The following TCEANC2 variants were observed in gnomAD, a reference collection of about 807,000 sequenced individuals.
The protein encoded by TCEANC2 is transcription elongation factor A N-terminal and central domain-containing protein 2.
TCEANC2 carries 20 observed loss-of-function variants against 22.8 expected under a neutral mutation model. The observed-to-expected ratio is 0.88, with a 90% CI of 0.62 to 1.28. The LOEUF (loss-of-function observed/expected upper bound fraction) is 1.28, where lower values mean the gene tolerates loss of function less well. Ranked by LOEUF, TCEANC2 falls within the 50% of genes most tolerant of loss-of-function variation. TCEANC2 has a pLI of 0.00. For missense variants in TCEANC2, 251 were observed against 249.7 expected (o/e 1.01, Z -0.03); for synonymous variants, 84 against 95.5 (o/e 0.88, Z 0.70).
exon 5 of TCEANC2, chr1:54,112,181 AAACAACAAC>A (rs141103002): frequency 0.036 from 5,419 of 149,148 alleles, 116 homozygotes; most frequent in Middle Eastern, 0.055. Flanking sequence ...CAATTCTACA[AAACAACAAC>A]AACAACAACA....
Position 54,099,817 on chromosome 1 carries a change from G to T in TCEANC2, c.*3344G>T, listed in dbSNP as rs1658627926. Reference sequence around the variant, plus strand: ...GGTGAGAGTAGTTCCTGAGACCTCTGAGTTACCTGTAAGTCAAGGTGTGAA... The same window carrying T: ...GGTGAGAGTAGTTCCTGAGACCTCTTAGTTACCTGTAAGTCAAGGTGTGAA... On this transcript the variant is annotated 3_prime_UTR_variant, in exon 5 of 5. Coordinates refer to ENST00000234827, the MANE Select transcript of TCEANC2 (RefSeq NM_153035.3). The T allele has an allele frequency of 6.6e-6, 1 of 152,028 alleles. No individual in the cohort carries two copies. The highest frequency in any genetic ancestry group is 1.5e-5 in the Non-Finnish European group (1 of 68,036). The allele number at this position is 152,028 out of a possible 1,614,324, so 9.4% of individuals were successfully genotyped here.
At position 54,096,887 on chromosome 1, in the gene TCEANC2, C is replaced by G. The variant is rs1035703186; in HGVS notation, c.*414C>G. The G allele has an allele frequency of 3.0e-6, 3 of 990,162 alleles. No homozygotes were observed. The highest frequency in any genetic ancestry group is 3.6e-6 in the Non-Finnish European group (3 of 832,672). 61.3% of individuals were successfully genotyped at this position (990,162 alleles called of 1,614,324 possible). Reference sequence around the variant, plus strand: ...ACCGCTGCCGCTCACTCGGTTCCATCCCCCTGAGTTTAGATAGCTCTGGTG... The same window carrying G: ...ACCGCTGCCGCTCACTCGGTTCCATGCCCCTGAGTTTAGATAGCTCTGGTG... On this transcript the variant is annotated 3_prime_UTR_variant, in exon 5 of 5. Transcript: ENST00000234827. This position sits in a 1 kb window ranked among gnomAD's most constrained non-coding sequence, Gnocchi z 4.9.
rs560273424 is a variant in TCEANC2, at chr1:54,098,109, G to C, written c.*1636G>C. The C allele has an allele frequency of 8.4e-4, 128 of 152,266 alleles. No homozygotes were observed. Among genetic ancestry groups the C allele is most frequent in the African/African-American group, 3.1e-3 (127 of 41,554 alleles). 9.4% of individuals were successfully genotyped at this position (152,266 alleles called of 1,614,324 possible). On this transcript the variant is annotated 3_prime_UTR_variant, in exon 5 of 5. Transcript: ENST00000234827. ...TTACATGCTGATGACATTCCAGTTT[G>C]TATCGTCAGCCCAGACCTGTCCCCT... is the stretch of plus-strand genomic sequence containing the variant.
chr1:54,085,586 C>G (rs1394386737), intron 3 of TCEANC2, among the ~76,000 whole-genome samples: 1 of 152,048 alleles, frequency 6.6e-6, no homozygotes, highest in Non-Finnish European at 1.5e-5. Flanking sequence ...AGATATGAGG[C>G]TAGTTGTGCC....
chr1:54,072,146 G>A lies in TCEANC2; in HGVS notation c.244+3249G>A, dbSNP rs190009529. 2.3e-4 allele frequency among the ~76,000 whole-genome samples: 35 copies of A among 152,120 alleles called. No individual in the cohort carries two copies. The East Asian group carries it at 2.3e-3, about 10-fold the overall frequency. On this transcript the variant is annotated intron_variant, in intron 3 of 4. Transcript: ENST00000234827. The stretch of plus-strand genomic sequence containing the variant: ...ATTTCTTCAAAAGTTACTCTCTTTC[G>A]TTATTTCTGTTGCCTCCTTCTGAGA...
At chr1:54,088,104 A>G (rs1658373762) in intron 3 of TCEANC2, among the ~76,000 whole-genome samples, 1 of 152,184 alleles carries the variant, frequency 6.6e-6, no homozygotes, top group Admixed American at 6.5e-5. Context: ...TTTCCCCATC[A>G]GACTCATTGA....
At chr1:54,106,233 A>G (rs1275430562), downstream of TCEANC2, among the ~76,000 whole-genome samples, 3 of 152,250 alleles carry the variant, frequency 2.0e-5, no homozygotes, top group African/African-American at 7.2e-5. Flanking sequence ...GTCTAAATGC[A>G]CATTTAAAAA....
At chr1:54,090,383 C>T (rs1412711560) in intron 4 of TCEANC2, among the ~76,000 whole-genome samples, 1 of 151,980 alleles carries the variant, frequency 6.6e-6, no homozygotes, top group African/African-American at 2.4e-5. Flanking sequence ...GAATGTTGGG[C>T]AAGTTATGAT....
chr1:54,080,198 C>A (rs892379390), intron 3 of TCEANC2, among the ~76,000 whole-genome samples: 14 of 150,902 alleles, frequency 9.3e-5, no homozygotes, highest in Non-Finnish European at 8.8e-5. Context: ...GGCTGGAGTC[C>A]GGTGGTGCGA....
At chr1:54,057,035 C>A (rs903664064) in intron 2 of TCEANC2, among the ~76,000 whole-genome samples, 1 of 149,600 alleles carries the variant, frequency 6.7e-6, no homozygotes, top group Non-Finnish European at 1.5e-5. Flanking sequence ...AAGTGAGACA[C>A]CATTTAAAAA....
intron 2 of TCEANC2, among the ~76,000 whole-genome samples, chr1:54,065,980 A>G (rs1260399905): frequency 6.6e-6 from 1 of 150,846 alleles, no homozygotes; most frequent in Non-Finnish European, 1.5e-5. Flanking sequence ...GCTGAAGCAG[A>G]AGAATTGCTT....
At chr1:54,054,177 C>CT in intron 1 of TCEANC2, 1 of 1,314,706 alleles carries the variant, frequency 7.6e-7, no homozygotes, top group East Asian at 2.7e-5. Context: ...AACCTCCTAA[C>CT]TCAGGACGTA....
At chr1:54,075,953 A>G (rs1486676541) in intron 3 of TCEANC2, among the ~76,000 whole-genome samples, 3 of 151,850 alleles carry the variant, frequency 2.0e-5, no homozygotes, top group African/African-American at 7.3e-5. Context: ...AGGAGAACCC[A>G]GGAGGCAGAG....
chr1:54,064,750 A>G (rs1195649776), intron 2 of TCEANC2, among the ~76,000 whole-genome samples: 2 of 125,768 alleles, frequency 1.6e-5, no homozygotes, highest in African/African-American at 6.4e-5. Context: ...CCTAGGCTGG[A>G]GTGCAGTGGT....
intron 4 of TCEANC2, among the ~76,000 whole-genome samples, chr1:54,092,194 A>G (rs1658458812): frequency 6.6e-6 from 1 of 152,196 alleles, no homozygotes. Context: ...TTTAGTAAGG[A>G]TCTACTTGGT....
intron 2 of TCEANC2, among the ~76,000 whole-genome samples, chr1:54,065,508 A>G (rs1657938146): frequency 6.6e-6 from 1 of 152,190 alleles, no homozygotes; most frequent in South Asian, 2.1e-4. Flanking sequence ...ACTTGAGCCC[A>G]GGAGTTCAAG....
At chr1:54,073,956 G>A (rs1258224025) in intron 3 of TCEANC2, among the ~76,000 whole-genome samples, 1 of 152,168 alleles carries the variant, frequency 6.6e-6, no homozygotes, top group Non-Finnish European at 1.5e-5. Flanking sequence ...TCTGATATGG[G>A]CAAGTAGGTG....
At chr1:54,071,688 T>C (rs1376641596) in intron 3 of TCEANC2, among the ~76,000 whole-genome samples, 2 of 152,240 alleles carry the variant, frequency 1.3e-5, no homozygotes, top group Non-Finnish European at 2.9e-5. Flanking sequence ...GTGATAATCA[T>C]TGAAGCCTAA....
chr1:54,057,347 AT>A (rs1163556776), intron 2 of TCEANC2, among the ~76,000 whole-genome samples: 18,785 of 86,104 alleles, frequency 0.22, 848 homozygotes, highest in Middle Eastern at 0.29. Context: ...CACCTGGCTA[AT>A]TTTTTTTTTT....
Sources: gnomAD v4.1 joint callset for allele counts (sites outside exome capture counted in the v4.1 genomes callset) on GRCh38, gnomAD v4.1.1 for gene constraint, Gnocchi (gnomAD v3.1) non-coding constraint, MANE v1.5 for transcripts, NCBI Gene and HGNC (gene_info 2026-07-23, HGNC 2026-07-21) for gene names.